The following GRAMD4 variants were observed in gnomAD, a reference collection of about 807,000 sequenced individuals.
GRAMD4 encodes GRAM domain-containing protein 4.
Under a neutral mutation model 83.9 loss-of-function variants are expected in GRAMD4, and 25 were observed. The ratio of observed to expected loss-of-function variants is 0.30; its 90% CI spans 0.22 to 0.42. The LOEUF (loss-of-function observed/expected upper bound fraction) is 0.42, where lower values mean the gene tolerates loss of function less well. Among genes scored for constraint, GRAMD4 ranks in the 10% least tolerant of loss-of-function variants. The pLI, the probability that GRAMD4 is intolerant of heterozygous loss-of-function variation, is 1.00. For missense variants in GRAMD4, 593 were observed against 788.7 expected (o/e 0.75, Z 2.97); for synonymous variants, 336 against 320.9 (o/e 1.05, Z -0.50).
In GRAMD4 at chr22:46,679,672, C is replaced by T. The variant is rs375680943; in HGVS notation, c.*2421C>T. The T allele has an allele frequency of 3.8e-5, 37 of 981,748 alleles. No homozygotes were observed. The highest frequency in any genetic ancestry group is 1.2e-4 in the African/African-American group (7 of 57,112). 60.8% of individuals were successfully genotyped at this position (981,748 alleles called of 1,614,324 possible). On this transcript the variant is annotated 3_prime_UTR_variant, in exon 19 of 19. Coordinates refer to ENST00000406902, the MANE Select transcript of GRAMD4 (RefSeq NM_015124.5). ...AAAAGGATTGTACTGTATTAAGAACCGATGAAAAAAATTCTCCTGTAACAT... is the reference window on the plus strand; with the variant it reads ...AAAAGGATTGTACTGTATTAAGAACTGATGAAAAAAATTCTCCTGTAACAT...
upstream of GRAMD4, among the ~76,000 whole-genome samples, chr22:46,616,357 T>C (rs1207865628): frequency 1.3e-5 from 1 of 76,922 alleles, no homozygotes; most frequent in African/African-American, 5.2e-5. Flanking sequence ...TACGTTCCCC[T>C]GTGTGTACGT....
At chr22:46,577,465 C>A (rs1282154160) in intron 1 of GRAMD4, among the ~76,000 whole-genome samples, 14 of 149,628 alleles carry the variant, frequency 9.4e-5, no homozygotes, top group Non-Finnish European at 1.8e-4. Context: ...CGGGCGCGCC[C>A]CGCACACGCC....
Position 46,620,748 on chromosome 22 carries a change from G to A in GRAMD4, c.-50+183G>A, listed in dbSNP as rs577452931. Among the ~76,000 whole-genome samples the A allele has an allele frequency of 1.3e-4, 20 of 152,260 alleles. No individual in the cohort carries two copies. The highest frequency in any genetic ancestry group is 8.3e-4 in the South Asian group (4 of 4,822). On this transcript the variant is annotated intron_variant, in intron 1 of 18. Coordinates refer to ENST00000406902, the MANE Select transcript of GRAMD4 (RefSeq NM_015124.5). This position sits in a 1 kb window ranked among gnomAD's most constrained non-coding sequence, Gnocchi z 4.7. The stretch of plus-strand genomic sequence containing the variant: ...GGCCGGGTGCAGGCCAGACCCCACC[G>A]GTAAAGCACCTGCGCAGCCCGGGGC...
intron 1 of GRAMD4, among the ~76,000 whole-genome samples, chr22:46,591,573 G>A (rs2081208356): frequency 6.6e-6 from 1 of 152,000 alleles, no homozygotes; most frequent in Non-Finnish European, 1.5e-5. Context: ...GGTGCCTCAC[G>A]CCTGTAATCC....
intron 1 of GRAMD4, among the ~76,000 whole-genome samples, chr22:46,610,690 T>A (rs2081408603): frequency 1.3e-5 from 2 of 152,222 alleles, no homozygotes; most frequent in Admixed American, 1.3e-4. Flanking sequence ...ACATGGCGAA[T>A]CTGGGGAATC....
intron 10 of GRAMD4, 86 bp downstream of exon 10, chr22:46,666,959 T>A: frequency 1.0e-6 from 1 of 983,808 alleles, no homozygotes; most frequent in Non-Finnish European, 1.5e-6. Flanking sequence ...CGGGGAAGCC[T>A]CTGGATGAGG....
chr22:46,681,726 A>C (rs2082672258), downstream of GRAMD4, among the ~76,000 whole-genome samples: 1 of 152,210 alleles, frequency 6.6e-6, no homozygotes, highest in Non-Finnish European at 1.5e-5. Context: ...TTCTTGAACC[A>C]GGGGTTCTCT....
rs1232173583 is a variant in GRAMD4 at position 46,591,301 on chromosome 22, T to A, written c.-50+14011T>A. Reference sequence around the variant, plus strand: ...AGAGGCTGAGAGGGGGAGGATTGCGTGAGCTCAGGAGTTTGAGAACGGCCT... The same window carrying A: ...AGAGGCTGAGAGGGGGAGGATTGCGAGAGCTCAGGAGTTTGAGAACGGCCT... On this transcript the variant is annotated intron_variant, in intron 1 of 1. Coordinates refer to the GRAMD4 transcript ENST00000431155. Among the ~76,000 whole-genome samples the A allele has an allele frequency of 2.6e-5, 4 of 151,650 alleles. No individual in the cohort carries two copies. In the South Asian group the frequency reaches 6.3e-4, roughly 24 times the overall value.
intron 2 of GRAMD4, among the ~76,000 whole-genome samples, chr22:46,634,742 A>G (rs1250114052): frequency 2.6e-5 from 4 of 152,190 alleles, no homozygotes; most frequent in Non-Finnish European, 5.9e-5. Flanking sequence ...GGAGTTCAAG[A>G]CCAGCCTGGG....
upstream of GRAMD4, among the ~76,000 whole-genome samples, chr22:46,616,514 G>A (rs1420776937): frequency 1.4e-5 from 2 of 147,220 alleles, no homozygotes; most frequent in Non-Finnish European, 3.0e-5. Context: ...TCCCCCAAGC[G>A]TGTAGGTTCC....
chr22:46,625,540 T>TA (rs1304575669), intron 1 of GRAMD4, among the ~76,000 whole-genome samples: 1 of 152,276 alleles, frequency 6.6e-6, no homozygotes, highest in Non-Finnish European at 1.5e-5. Flanking sequence ...ACCTTTGCCT[T>TA]ACTGGCATCT....
In GRAMD4 at chr22:46,608,949, G is replaced by A. The variant is rs1282206051; in HGVS notation, c.-49-17802G>A. Among the ~76,000 whole-genome samples the A allele has an allele frequency of 2.0e-5, 3 of 152,020 alleles. No homozygotes were observed. In the East Asian group the frequency reaches 5.8e-4, roughly 29 times the overall value. On this transcript the variant is annotated intron_variant, in intron 1 of 1. Coordinates refer to the GRAMD4 transcript ENST00000431155. Reference sequence around the variant, plus strand: ...CACTGGGCAGTGGCACGTGCCTGTAGTACCAGCCGCCCCAGAGGCTGAGTT... The same window carrying A: ...CACTGGGCAGTGGCACGTGCCTGTAATACCAGCCGCCCCAGAGGCTGAGTT...
At chr22:46,620,357 C>T (rs2081555754), upstream of GRAMD4, 5 of 985,526 alleles carry the variant, frequency 5.1e-6, no homozygotes, top group Non-Finnish European at 6.0e-6. This position sits in a 1 kb window ranked among gnomAD's most constrained non-coding sequence, Gnocchi z 4.7. Flanking sequence ...CCTGGACAGC[C>T]GTGGTGAGCC....
At chr22:46,610,489 G>C (rs575670502) in intron 1 of GRAMD4, among the ~76,000 whole-genome samples, 1 of 152,260 alleles carries the variant, frequency 6.6e-6, no homozygotes, top group African/African-American at 2.4e-5. Flanking sequence ...TGTAGAGGCC[G>C]TGTGGCCTGC....
At chr22:46,587,899 AG>A (rs1452074725) in intron 1 of GRAMD4, 3 of 985,182 alleles carry the variant, frequency 3.0e-6, no homozygotes, top group Non-Finnish European at 3.6e-6. Context: ...AGGATGGTAC[AG>A]GGCTCCTGAT....
chr22:46,672,980 G>A lies in GRAMD4; in HGVS notation c.1222G>A (p.Ala408Thr), dbSNP rs376340420. The A allele has an allele frequency of 5.3e-5, 85 of 1,603,728 alleles. 1 individual carries two copies. The South Asian group carries it at 6.8e-4, about 13-fold the overall frequency. Reference sequence around the variant, plus strand: ...CCCGCAGCTCAAGGAGCGCTCCAGCGCCGCAGTCTCACGCAGGGTGAGCCC... The same window carrying A: ...CCCGCAGCTCAAGGAGCGCTCCAGCACCGCAGTCTCACGCAGGGTGAGCCC... ...TDPQLKERSS[A>T]AVSRRLQTTS... is the part of the protein sequence containing the mutation. The change falls in exon 14 of 19, where the codon GCC (alanine) becomes ACC (threonine). Residue 408 changes from alanine (A) to threonine (T), a missense_variant. Coordinates refer to ENST00000406902, the MANE Select transcript of GRAMD4 (RefSeq NM_015124.5). The surrounding 1 kb of genome is among the most constrained non-coding windows in gnomAD (Gnocchi z 4.7).
rs1270981431 is a variant in GRAMD4 at position 46,675,456 on chromosome 22, T to C, written c.1479-12T>C. The C allele has an allele frequency of 1.2e-5, 20 of 1,602,098 alleles. No individual in the cohort carries two copies. Among genetic ancestry groups the C allele is most frequent in the Non-Finnish European group, 1.7e-5 (20 of 1,169,666 alleles). On this transcript the variant is annotated splice_polypyrimidine_tract_variant and intron_variant, in intron 16 of 18. Coordinates refer to ENST00000406902, the MANE Select transcript of GRAMD4 (RefSeq NM_015124.5). ...AAGAGCCAGGCGACGCCTCTGTCCGTTCCCCTTCCAGTTACTTGTGCTTCG... is the reference window on the plus strand; with the variant it reads ...AAGAGCCAGGCGACGCCTCTGTCCGCTCCCCTTCCAGTTACTTGTGCTTCG...
intron 1 of GRAMD4, among the ~76,000 whole-genome samples, chr22:46,586,719 T>C (rs1474873322): frequency 6.6e-6 from 1 of 152,150 alleles, no homozygotes. Context: ...GGGACATGAG[T>C]TGGGGGGAAC....
intron 3 of GRAMD4, among the ~76,000 whole-genome samples, chr22:46,649,813 TTC>T (rs1320313468): frequency 6.6e-6 from 1 of 152,210 alleles, no homozygotes; most frequent in East Asian, 1.9e-4. Flanking sequence ...TTTCTTGGAA[TTC>T]TCTGTTTTCC....
Sources: gnomAD v4.1 joint callset for allele counts (sites outside exome capture counted in the v4.1 genomes callset) on GRCh38, gnomAD v4.1.1 for gene constraint, Gnocchi (gnomAD v3.1) non-coding constraint, MANE v1.5 for transcripts, NCBI Gene and HGNC (gene_info 2026-07-23, HGNC 2026-07-21) for gene names.